PPA2: variants seen among roughly 807,000 people sequenced by gnomAD.
PPA2 encodes inorganic pyrophosphatase 2, mitochondrial.
In PPA2, 48 loss-of-function variants were observed where a neutral mutation model predicts 49.5. The ratio of observed to expected loss-of-function variants is 0.97; its 90% CI spans 0.77 to 1.23. The LOEUF (loss-of-function observed/expected upper bound fraction) is 1.23. PPA2 is among the 50% of genes most tolerant of loss of function. The pLI is 0.00. For synonymous variants in PPA2, 131 were observed against 139.9 expected (o/e 0.94, Z 0.45); for missense variants, 429 against 410.1 (o/e 1.05, Z -0.40).
At chr4:105,396,563 AGG>A (rs1349435594) in intron 8 of PPA2, among the ~76,000 whole-genome samples, 1 of 152,144 alleles carries the variant, frequency 6.6e-6, no homozygotes, top group Non-Finnish European at 1.5e-5. Flanking sequence ...AGAATATAAT[AGG>A]GATAATCTAT....
rs534506070 is a variant in PPA2 at position 105,383,324 on chromosome 4, G to A, written c.939+3243C>T. Among the ~76,000 whole-genome samples the A allele has an allele frequency of 2.0e-5, 3 of 152,194 alleles. No individual in the cohort carries two copies. The South Asian group carries it at 6.2e-4, about 32-fold the overall frequency. ...AACCTAAGAATGATAAATTACTTCT[G>A]TAGATATTTTCTATTTTGTTTCTAA... On this transcript the variant is annotated intron_variant, in intron 10 of 11. Coordinates refer to ENST00000341695, the MANE Select transcript of PPA2 (RefSeq NM_176869.3).
At chr4:105,437,260 G>C (rs1317081819) in intron 6 of PPA2, among the ~76,000 whole-genome samples, 1 of 99,700 alleles carries the variant, frequency 1.0e-5, no homozygotes, top group African/African-American at 3.1e-5. Flanking sequence ...GCTGGTTTCT[G>C]AGCTCTACAA....
At chr4:105,375,351 C>T (rs111719753) in intron 10 of PPA2, among the ~76,000 whole-genome samples, 3,088 of 151,138 alleles carry the variant, frequency 0.02, 49 homozygotes, top group Middle Eastern at 0.06. Context: ...AAATCAGGGT[C>T]TGGTTCTAAT....
intron 1 of PPA2, chr4:105,473,226 C>CCCCT (rs998859986): frequency 1.2e-5 from 2 of 163,960 alleles, no homozygotes; most frequent in African/African-American, 4.8e-5. Flanking sequence ...CAGGGACCCC[C>CCCCT]CCGAAGTCGC....
At chr4:105,383,276 G>C (rs573045998) in intron 10 of PPA2, among the ~76,000 whole-genome samples, 2 of 152,138 alleles carry the variant, frequency 1.3e-5, no homozygotes, top group African/African-American at 2.4e-5. Flanking sequence ...AGATCTTTCA[G>C]ATCTATCCTT....
rs1406195717 is a variant in PPA2 at position 105,473,934 on chromosome 4, C to T, written c.117G>A (p.Glu39=). ...AATTCTGCGAGCAGGGCTGGCCGCG[C>T]TCCTCAGTGTGGTACAGGGCCATAG... ...RRAMALYHTE[E]RGQPCSQNYR... is the part of the protein sequence containing the mutation. Residue 39 remains glutamate, a synonymous_variant, in exon 1 of 12, where the codon GAG becomes GAA. Transcript: ENST00000341695. 2 of 1,608,306 alleles carry T rather than the reference C, an allele frequency of 1.2e-6. No homozygotes were observed. Among genetic ancestry groups the T allele is most frequent in the Non-Finnish European group, 1.7e-6 (2 of 1,176,476 alleles).
intron 8 of PPA2, among the ~76,000 whole-genome samples, chr4:105,396,798 A>C (rs1009789061): frequency 5.3e-5 from 8 of 152,330 alleles, no homozygotes; most frequent in African/African-American, 1.9e-4. Context: ...CAAGTCACAG[A>C]GTTGTTGAAA....
chr4:105,411,584 A>G (rs1280361874), intron 7 of PPA2, among the ~76,000 whole-genome samples: 3 of 152,204 alleles, frequency 2.0e-5, no homozygotes, highest in Non-Finnish European at 4.4e-5. Flanking sequence ...TGGAAGTTCC[A>G]GCCAGGACAA....
At position 105,369,641 on chromosome 4, in the gene PPA2, G is replaced by T; in HGVS notation, c.*84C>A. On this transcript the variant is annotated 3_prime_UTR_variant, in exon 12 of 12. Transcript: ENST00000341695. Reference sequence around the variant, plus strand: ...AAAATGAAGTTTTAACAGGAAGTCAGTAAATGCTCATAGACCCCCTTGTCT... The same window carrying T: ...AAAATGAAGTTTTAACAGGAAGTCATTAAATGCTCATAGACCCCCTTGTCT... 1 of 1,195,116 alleles carries T rather than the reference G, an allele frequency of 8.4e-7. No homozygotes were observed. The highest frequency in any genetic ancestry group is 1.2e-6 in the Non-Finnish European group (1 of 830,958). The allele number at this position is 1,195,116 out of a possible 1,614,324, so 74.0% of individuals were successfully genotyped here.
rs57790851 is a variant in PPA2, at chr4:105,393,485, AAATAATAATAATAATAAT to A, written c.869+2746_869+2763del. Among the ~76,000 whole-genome samples the A allele has an allele frequency of 3.3e-3, 432 of 132,792 alleles. 2 individuals carry two copies. The highest frequency in any genetic ancestry group is 0.012 in the South Asian group (48 of 3,858). The allele number at this position is 132,792 out of a possible 152,430, so 87.1% of individuals were successfully genotyped here. On this transcript the variant is annotated intron_variant, in intron 9 of 11. Coordinates refer to ENST00000341695, the MANE Select transcript of PPA2 (RefSeq NM_176869.3). ...GGCAACAGAGCAAGACACTGTCTCA[AAATAATAATAATAATAAT>A]AATAATAATAATAATAATAATAATA...
intron 2 of PPA2, 139 bp from the exon 3 acceptor site, chr4:105,453,781 C>T: frequency 1.9e-6 from 1 of 536,690 alleles, no homozygotes; most frequent in Non-Finnish European, 3.2e-6. Context: ...GAGAACCTAC[C>T]AAATGCCCAC....
chr4:105,394,386 A>AAAAG (rs1460834892), intron 9 of PPA2, among the ~76,000 whole-genome samples: 14 of 123,584 alleles, frequency 1.1e-4, no homozygotes, highest in Admixed American at 5.4e-4. Flanking sequence ...AAAAAAAAAA[A>AAAAG]AAAAGAAAGA....
intron 6 of PPA2, among the ~76,000 whole-genome samples, chr4:105,431,996 T>G (rs1723823298): frequency 1.3e-5 from 2 of 152,198 alleles, no homozygotes; most frequent in African/African-American, 2.4e-5. Context: ...TGTTTGGGAC[T>G]AGATAGATAC....
chr4:105,426,812 C>G (rs755051746), intron 6 of PPA2, among the ~76,000 whole-genome samples: 2 of 152,250 alleles, frequency 1.3e-5, no homozygotes, highest in Non-Finnish European at 2.9e-5. Flanking sequence ...CTTCTCCAGA[C>G]TTAAATGTCC....
chr4:105,470,683 T>C (rs1723487465), intron 1 of PPA2, among the ~76,000 whole-genome samples: 1 of 152,216 alleles, frequency 6.6e-6, no homozygotes, highest in South Asian at 2.1e-4. Flanking sequence ...ATAACATTTA[T>C]TAAATACCTA....
At chr4:105,371,617 T>C (rs568277218) in intron 10 of PPA2, among the ~76,000 whole-genome samples, 31 of 152,290 alleles carry the variant, frequency 2.0e-4, no homozygotes, top group African/African-American at 7.2e-4. Flanking sequence ...AATTTAATAA[T>C]TAACTTCTAA....
intron 10 of PPA2, among the ~76,000 whole-genome samples, chr4:105,372,237 G>A (rs570064948): frequency 1.3e-5 from 2 of 152,306 alleles, no homozygotes; most frequent in South Asian, 4.1e-4. Context: ...ATGTGGTCTA[G>A]AATGGGGGCA....
At chr4:105,383,902 C>CAAA (rs11406936) in intron 10 of PPA2, among the ~76,000 whole-genome samples, 1 of 147,724 alleles carries the variant, frequency 6.8e-6, no homozygotes. Context: ...AATTAAAGGA[C>CAAA]AAAAAAAAAA....
chr4:105,444,316 T>C (rs2110298304), intron 5 of PPA2, among the ~76,000 whole-genome samples: 1 of 152,254 alleles, frequency 6.6e-6, no homozygotes, highest in African/African-American at 2.4e-5. Flanking sequence ...CACACAGGGT[T>C]GAGTAGCAAT....
Sources: gnomAD v4.1 joint callset for allele counts (sites outside exome capture counted in the v4.1 genomes callset) on GRCh38, gnomAD v4.1.1 for gene constraint, MANE v1.5 for transcripts, NCBI Gene and HGNC (gene_info 2026-07-23, HGNC 2026-07-21) for gene names.